The following SLC10A1 variants were observed in gnomAD, a reference collection of about 807,000 sequenced individuals.
SLC10A1 encodes solute carrier family 10 member 1.
In SLC10A1, 36 loss-of-function variants were observed where a neutral mutation model predicts 20.5. The observed-to-expected ratio is 1.75, with a 90% CI of 1.34 to 2.32. The LOEUF is 2.32. SLC10A1 is among the 30% of genes most tolerant of loss of function. The pLI is 0.00. For missense variants in SLC10A1, 545 were observed against 439.1 expected (o/e 1.24, Z -2.16); for synonymous variants, 188 against 163.6 (o/e 1.15, Z -1.14).
intron 2 of SLC10A1, among the ~76,000 whole-genome samples, chr14:69,781,943 C>T (rs1883601953): frequency 1.3e-5 from 2 of 152,174 alleles, no homozygotes; most frequent in Admixed American, 1.3e-4. Flanking sequence ...TTTTGATTTG[C>T]AAGGTCCAAG....
chr14:69,785,204 G>A (rs1460514071), intron 2 of SLC10A1, among the ~76,000 whole-genome samples: 1 of 152,160 alleles, frequency 6.6e-6, no homozygotes, highest in Non-Finnish European at 1.5e-5. Flanking sequence ...AAATATTGGT[G>A]GAGAGACCAT....
At chr14:69,776,431 A>C in intron 4 of SLC10A1, 43 bp from the exon 5 acceptor site, 1 of 1,460,240 alleles carries the variant, frequency 6.8e-7, no homozygotes, top group Non-Finnish European at 9.6e-7. Flanking sequence ...AGAGAACAAG[A>C]GGAGTGAACA....
rs775025675 is a variant in SLC10A1 at position 69,786,186 on chromosome 14, C to T, written c.478G>A (p.Val160Met). The change falls in exon 2 of 5, where the codon GTG becomes ATG. Residue 160 changes from valine to methionine, a missense_variant. By Grantham distance (21) the Val-to-Met change is conservative. Transcript: ENST00000216540. ...LKDKVPYKGI[V>M]ISLVLVLIPC... ...ATGAGAACCAGGACCAGTGATATCACGATGCCTTTATAGGGCACCTTGTCC... is the reference window on the plus strand; with the variant it reads ...ATGAGAACCAGGACCAGTGATATCATGATGCCTTTATAGGGCACCTTGTCC... 57 of 1,613,932 alleles carry T rather than the reference C, an allele frequency of 3.5e-5. No homozygotes were observed. Among genetic ancestry groups the T allele is most frequent in the African/African-American group, 3.1e-4 (23 of 74,886 alleles).
chr14:69,792,795 A>G (rs1181732411), intron 1 of SLC10A1, among the ~76,000 whole-genome samples: 10 of 150,670 alleles, frequency 6.6e-5, no homozygotes, highest in Non-Finnish European at 1.5e-4. Context: ...AGCAGTTCAG[A>G]TACATGAGGT....
At chr14:69,789,036 A>G (rs1369801962) in intron 1 of SLC10A1, among the ~76,000 whole-genome samples, 1 of 152,236 alleles carries the variant, frequency 6.6e-6, no homozygotes, top group Non-Finnish European at 1.5e-5. Flanking sequence ...ATCTACTAGC[A>G]TGGCTATAAT....
chr14:69,784,449 C>T (rs1883665896), intron 2 of SLC10A1, among the ~76,000 whole-genome samples: 1 of 151,966 alleles, frequency 6.6e-6, no homozygotes, highest in African/African-American at 2.4e-5. Context: ...TTGCTGAGGG[C>T]CTGGTCACTC....
intron 1 of SLC10A1, among the ~76,000 whole-genome samples, chr14:69,788,986 G>A (rs868041306): frequency 3.9e-5 from 6 of 152,166 alleles, no homozygotes; most frequent in Admixed American, 2.0e-4. Flanking sequence ...TTACTTATTA[G>A]GAAAATGCAA....
At chr14:69,786,365 TGTTG>T in intron 1 of SLC10A1, 58 bp from the exon 2 acceptor site, 1 of 1,440,958 alleles carries the variant, frequency 6.9e-7, no homozygotes. Context: ...CAGACTATTT[TGTTG>T]AGTGCCTGCT....
chr14:69,795,384 C>A (rs1010139191), intron 1 of SLC10A1, among the ~76,000 whole-genome samples: 7 of 149,900 alleles, frequency 4.7e-5, no homozygotes, highest in African/African-American at 1.7e-4. Context: ...CTCATTCACT[C>A]TCACTTTTTT....
chr14:69,787,666 T>A (rs915092468), intron 1 of SLC10A1, among the ~76,000 whole-genome samples: 2 of 152,168 alleles, frequency 1.3e-5, no homozygotes, highest in Non-Finnish European at 1.5e-5. Context: ...AAGAAAATTG[T>A]GAACTAGGTA....
At chr14:69,780,925 G>A (rs1265095396) in intron 2 of SLC10A1, among the ~76,000 whole-genome samples, 1 of 152,142 alleles carries the variant, frequency 6.6e-6, no homozygotes, top group East Asian at 1.9e-4. Context: ...TGAGTTACAG[G>A]AATTGTCCAC....
intron 2 of SLC10A1, among the ~76,000 whole-genome samples, chr14:69,780,689 A>G (rs1023410750): frequency 3.3e-5 from 5 of 152,192 alleles, no homozygotes; most frequent in African/African-American, 7.2e-5. Flanking sequence ...ACCTATACCA[A>G]TTAGTGGTCC....
chr14:69,787,886 A>G (rs1487999829), intron 1 of SLC10A1, among the ~76,000 whole-genome samples: 2 of 152,110 alleles, frequency 1.3e-5, no homozygotes, highest in African/African-American at 4.8e-5. Context: ...AAATGAACAA[A>G]CAAACCAAAA....
At chr14:69,791,252 G>A (rs1438835037) in intron 1 of SLC10A1, among the ~76,000 whole-genome samples, 1 of 151,794 alleles carries the variant, frequency 6.6e-6, no homozygotes, top group East Asian at 1.9e-4. Flanking sequence ...AGACTTGAAA[G>A]GTGATACTGA....
chr14:69,776,024 G>T lies in SLC10A1; in HGVS notation c.*258C>A. 1 of 440,270 alleles carries T rather than the reference G, an allele frequency of 2.3e-6. No homozygotes were observed. The highest frequency in any genetic ancestry group is 5.9e-4 in the Middle Eastern group (1 of 1,682). 27.3% of individuals were successfully genotyped at this position (440,270 alleles called of 1,614,324 possible). A position where few individuals can be genotyped will look rare whatever the true frequency, so the allele number is the denominator to read the frequency against. On this transcript the variant is annotated 3_prime_UTR_variant, in exon 5 of 5. Transcript: ENST00000216540. ...AGAGATCCCAGCAAGAGGCAGATTC[G>T]GTTTCTGGTTTCATAGAGTTTACAG... is the stretch of plus-strand genomic sequence containing the variant.
chr14:69,791,031 T>C (rs908222213), intron 1 of SLC10A1, among the ~76,000 whole-genome samples: 1 of 151,928 alleles, frequency 6.6e-6, no homozygotes, highest in African/African-American at 2.4e-5. Context: ...TTCACAAAAC[T>C]AGAAAATACT....
chr14:69,785,482 G>A (rs1393593840), intron 2 of SLC10A1, among the ~76,000 whole-genome samples: 1 of 151,940 alleles, frequency 6.6e-6, no homozygotes, highest in African/African-American at 2.4e-5. Flanking sequence ...AAGGCTCTTT[G>A]ACCACTCCAG....
chr14:69,778,541 A>G lies in SLC10A1; in HGVS notation c.747-12T>C. 6.3e-7 allele frequency: 1 copy of G among 1,582,212 alleles called. No individual in the cohort carries two copies. The highest frequency in any genetic ancestry group is 8.6e-7 in the Non-Finnish European group (1 of 1,167,172). On this transcript the variant is annotated splice_polypyrimidine_tract_variant and intron_variant, in intron 3 of 4. Transcript: ENST00000216540. ...CAGTGCGTCTGCACCTGTGCCGGTG[A>G]AGAAAACCCCACATACACTCAGAGG... is the stretch of plus-strand genomic sequence containing the variant.
chr14:69,778,561 CAGAG>C (rs1883509255), intron 3 of SLC10A1, 32 bp from the exon 4 acceptor site: 3 of 1,556,266 alleles, frequency 1.9e-6, no homozygotes, highest in Middle Eastern at 2.4e-4. Flanking sequence ...CACATACACT[CAGAG>C]GGAACTGGAG....
Sources: gnomAD v4.1 joint callset for allele counts (sites outside exome capture counted in the v4.1 genomes callset) on GRCh38, gnomAD v4.1.1 for gene constraint, MANE v1.5 for transcripts, NCBI Gene and HGNC (gene_info 2026-07-23, HGNC 2026-07-21) for gene names.